Variants in KLF16 observed in about 807,000 individuals in gnomAD.
The protein encoded by KLF16 is Krueppel-like factor 16.
KLF16 carries 6 observed loss-of-function variants against 6.1 expected under a neutral mutation model. The observed-to-expected ratio is 0.98, with a 90% CI of 0.54 to 1.93. KLF16 has a LOEUF of 1.93. Ranked by LOEUF, KLF16 falls within the 30% of genes most tolerant of loss-of-function variation. The probability of loss-of-function intolerance (pLI) is 0.01; values close to 1 mark genes in which losing one functional copy is unlikely to be tolerated. For missense variants in KLF16, 355 were observed against 363.8 expected, an observed-to-expected ratio of 0.98 and a Z score of 0.20; for synonymous variants, 211 against 176.5, an observed-to-expected ratio of 1.20 and a Z score of -1.55.
At chr19:1,873,168 C>G in the KLF16 span, among the ~76,000 whole-genome samples, 1 of 152,210 alleles carries the variant, frequency 6.6e-6, no homozygotes, top group Non-Finnish European at 1.5e-5. Flanking sequence ...CCGGGTGGGT[C>G]CCACCAGCTT....
At chr19:1,867,726 T>TGTG (rs1425396613), upstream of KLF16, among the ~76,000 whole-genome samples, 2 of 149,996 alleles carry the variant, frequency 1.3e-5, no homozygotes, top group African/African-American at 4.9e-5. Flanking sequence ...ATTAGCCAGG[T>TGTG]GTGGTGGGGG....
the KLF16 span, among the ~76,000 whole-genome samples, chr19:1,872,003 G>A: frequency 1.3e-5 from 2 of 152,154 alleles, no homozygotes; most frequent in Non-Finnish European, 2.9e-5. Context: ...CAGGGCCGGG[G>A]ATTTTATCTG....
chr19:1,868,317 G>A (rs896009642), upstream of KLF16, among the ~76,000 whole-genome samples: 3 of 152,046 alleles, frequency 2.0e-5, no homozygotes, highest in East Asian at 5.8e-4. Flanking sequence ...CCAGGGGGCC[G>A]AGGTCAACAT....
Position 1,854,368 on chromosome 19 carries a change from G to A in KLF16, c.*91C>T, listed in dbSNP as rs1000063782. On this transcript the variant is annotated 3_prime_UTR_variant, in exon 2 of 2. Transcript: ENST00000250916. ...AGGGGTGTCTTCAGGGTTTGCCCACGGCTGGAAGGGGCCCAGGCTCCCCGT... is the reference window on the plus strand; with the variant it reads ...AGGGGTGTCTTCAGGGTTTGCCCACAGCTGGAAGGGGCCCAGGCTCCCCGT... 46 of 1,346,980 alleles carry A rather than the reference G, an allele frequency of 3.4e-5. No individual in the cohort carries two copies. The highest frequency in any genetic ancestry group is 5.5e-5 in the South Asian group (3 of 54,504). 83.4% of individuals were successfully genotyped at this position (1,346,980 alleles called of 1,614,324 possible).
chr19:1,866,041 C>A (rs1055529753), upstream of KLF16, among the ~76,000 whole-genome samples: 8 of 152,304 alleles, frequency 5.3e-5, no homozygotes, highest in Non-Finnish European at 8.8e-5. Context: ...CAGTGGCTCA[C>A]GCCTGTAATC....
At chr19:1,869,924 CTTTT>C in the KLF16 span, among the ~76,000 whole-genome samples, 5 of 133,238 alleles carry the variant, frequency 3.8e-5, no homozygotes, top group Non-Finnish European at 4.6e-5. Context: ...AAGATAAATA[CTTTT>C]TCTTTTTTTT....
At chr19:1,871,354 G>A in the KLF16 span, among the ~76,000 whole-genome samples, 79 of 152,284 alleles carry the variant, frequency 5.2e-4, no homozygotes, top group African/African-American at 1.5e-3. Context: ...GACGGGCTGC[G>A]GAGGTGGCCA....
rs1311534201 is a variant in KLF16, at chr19:1,857,027, G to C, written c.458-2267C>G. Reference sequence around the variant, plus strand: ...TGCCGCACGTAGCTCGGCGGCGGCGGCGGGGACATCCGCAGCCCCAGCCGG... The same window carrying C: ...TGCCGCACGTAGCTCGGCGGCGGCGCCGGGGACATCCGCAGCCCCAGCCGG... On this transcript the variant is annotated intron_variant, in intron 1 of 1. Coordinates refer to ENST00000250916, the MANE Select transcript of KLF16 (RefSeq NM_031918.4). The surrounding 1 kb of genome is among the most constrained non-coding windows in gnomAD (Gnocchi z 4.7). Among the ~76,000 whole-genome samples, 1 of 150,412 alleles carries C rather than the reference G, an allele frequency of 6.6e-6. No homozygotes were observed. Among genetic ancestry groups the C allele is most frequent in the African/African-American group, 2.5e-5 (1 of 40,430 alleles).
chr19:1,860,980 G>A (rs2012052709), intron 1 of KLF16, among the ~76,000 whole-genome samples: 1 of 152,062 alleles, frequency 6.6e-6, no homozygotes, highest in Non-Finnish European at 1.5e-5. Context: ...AGGGTGCCAG[G>A]AGATCCGCCC....
At chr19:1,862,700 C>A (rs548248856) in intron 1 of KLF16, 10 of 270,672 alleles carry the variant, frequency 3.7e-5, no homozygotes, top group Admixed American at 1.6e-4. Flanking sequence ...GCCCACCGCC[C>A]AGACCAGAAC....
chr19:1,863,589 G>A (rs1204169608), upstream of KLF16: 6 of 269,048 alleles, frequency 2.2e-5, no homozygotes, highest in Non-Finnish European at 2.3e-5. Context: ...TGCGGGAGGC[G>A]GAGGAGGAGG....
intron 1 of KLF16, among the ~76,000 whole-genome samples, chr19:1,860,610 G>A (rs1252754571): frequency 2.0e-5 from 3 of 152,106 alleles, no homozygotes; most frequent in African/African-American, 7.2e-5. Flanking sequence ...ACTCGGGTTC[G>A]TCTGCGGATC....
chr19:1,858,184 T>C (rs893541), intron 1 of KLF16, among the ~76,000 whole-genome samples: 40,647 of 151,838 alleles, frequency 0.27, 6,160 homozygotes, highest in African/African-American at 0.41. Context: ...CCAAATCCCA[T>C]CACCTTCGGG....
At position 1,853,891 on chromosome 19, in the gene KLF16, G is replaced by A. The variant is rs954778658; in HGVS notation, c.*568C>T. The A allele has an allele frequency of 4.0e-5, 6 of 150,000 alleles. No homozygotes were observed. The highest frequency in any genetic ancestry group is 7.4e-5 in the Non-Finnish European group (5 of 67,444). 9.3% of individuals were successfully genotyped at this position (150,000 alleles called of 1,614,324 possible). On this transcript the variant is annotated 3_prime_UTR_variant, in exon 2 of 2. Coordinates refer to ENST00000250916, the MANE Select transcript of KLF16 (RefSeq NM_031918.4). ...GGCCAGGCAGCCCCTACCGTGGGCA[G>A]AACTTGTGGACACCTGAGATTGAGT... is the stretch of plus-strand genomic sequence containing the variant.
At chr19:1,872,677 C>T in the KLF16 span, among the ~76,000 whole-genome samples, 1 of 152,072 alleles carries the variant, frequency 6.6e-6, no homozygotes, top group African/African-American at 2.4e-5. Context: ...TGTCCCGGGA[C>T]CTTATTTCTG....
chr19:1,863,248 G>A lies in KLF16; in HGVS notation c.250C>T (p.Leu84=), dbSNP rs962470050. The A allele has an allele frequency of 1.2e-5, 13 of 1,051,584 alleles. No individual in the cohort carries two copies. Among genetic ancestry groups the A allele is most frequent in the Non-Finnish European group, 1.5e-5 (13 of 872,254 alleles). The allele number at this position is 1,051,584 out of a possible 1,614,324, so 65.1% of individuals were successfully genotyped here. Residue 84 remains leucine, a synonymous_variant, in exon 1 of 2, where the codon CTG becomes TTG. Coordinates refer to ENST00000250916, the MANE Select transcript of KLF16 (RefSeq NM_031918.4). The part of the protein sequence containing the change: ...AAPHLLAASI[L]ADLRGGPGAA... ...CCGGGTCCGCCGCGCAGGTCGGCCA[G>A]GATGCTGGCGGCCAGCAGGTGGGGC...
rs1465666001 is a variant in KLF16, at chr19:1,857,188, G to C, written c.458-2428C>G. On this transcript the variant is annotated intron_variant, in intron 1 of 1. Transcript: ENST00000250916. The surrounding 1 kb of genome is among the most constrained non-coding windows in gnomAD (Gnocchi z 4.7). ...ACATGCGCACGTGGGTGGCGGGGCA[G>C]GGGGTGCACGGGCTACCCACCCACG... Among the ~76,000 whole-genome samples the C allele has an allele frequency of 6.6e-6, 1 of 152,198 alleles. No homozygotes were observed. The highest frequency in any genetic ancestry group is 2.4e-5 in the African/African-American group (1 of 41,450).
chr19:1,867,481 G>A (rs1440807812), upstream of KLF16, among the ~76,000 whole-genome samples: 6 of 151,982 alleles, frequency 3.9e-5, no homozygotes, highest in African/African-American at 1.2e-4. Context: ...AGGCCGAGGC[G>A]GGAGGATTGC....
Position 1,854,753 on chromosome 19 carries a change from G to A in KLF16, c.465C>T (p.Arg155=). 3.1e-6 allele frequency: 5 copies of A among 1,598,542 alleles called. No individual in the cohort carries two copies. The highest frequency in any genetic ancestry group is 4.2e-6 in the Non-Finnish European group (5 of 1,179,492). Residue 155 remains arginine (R), a synonymous_variant, in exon 2 of 2, where the codon CGC becomes CGT. Transcript: ENST00000250916. ...AGCCCTGCCAGTCACAAGCAAAAGG[G>A]CGTTCCCCTGGACGGAGAGACAGAG... ...KSHLRTHTGE[R]PFACDWQGCD...
Sources: allele counts gnomAD v4.1 joint callset (sites outside exome capture counted in the v4.1 genomes callset), GRCh38; gene constraint gnomAD v4.1.1; non-coding constraint Gnocchi (gnomAD v3.1); transcripts MANE v1.5; gene names NCBI Gene and HGNC (gene_info 2026-07-23, HGNC 2026-07-21).